PPIP5K2: variants seen among roughly 807,000 people sequenced by gnomAD.
PPIP5K2 encodes inositol hexakisphosphate and diphosphoinositol-pentakisphosphate kinase 2.
A neutral mutation model predicts 154.6 loss-of-function variants in PPIP5K2; 105 were observed. The ratio of observed to expected loss-of-function variants is 0.68; its 90% CI spans 0.58 to 0.80. The LOEUF is 0.80. Among genes scored for constraint, PPIP5K2 ranks in the 30% least tolerant of loss-of-function variants. PPIP5K2 has a pLI of 0.00. For synonymous variants in PPIP5K2, 480 were observed against 490.3 expected (o/e 0.98, Z 0.28); for missense variants, 992 against 1,504.6 (o/e 0.66, Z 5.64).
chr5:103,155,020 A>G (rs1439850240), intron 13 of PPIP5K2, 77 bp downstream of exon 13: 2 of 816,170 alleles, frequency 2.5e-6, no homozygotes, highest in Non-Finnish European at 3.6e-6. Flanking sequence ...TTTCCATTTT[A>G]ATTACTTTCA....
rs1298114889 is a variant in PPIP5K2 at position 103,205,808 on chromosome 5, C to T, written c.*4174C>T. 2.0e-5 allele frequency: 3 copies of T among 151,986 alleles called. No homozygotes were observed. Among genetic ancestry groups the T allele is most frequent in the South Asian group, 2.1e-4 (1 of 4,824 alleles). 9.4% of individuals were successfully genotyped at this position (151,986 alleles called of 1,614,324 possible). A position where few individuals can be genotyped will look rare whatever the true frequency, so the allele number is the denominator to read the frequency against. On this transcript the variant is annotated 3_prime_UTR_variant, in exon 31 of 31. Coordinates refer to ENST00000358359, the MANE Select transcript of PPIP5K2 (RefSeq NM_001276277.3). ...AAATGTCCTTTTTGTCCATTGGATA[C>T]TTTTTGTTCTATAAATTGTCAGATA...
intron 14 of PPIP5K2, among the ~76,000 whole-genome samples, chr5:103,156,201 T>G (rs1554213342): frequency 6.6e-6 from 1 of 152,192 alleles, no homozygotes; most frequent in African/African-American, 2.4e-5. Flanking sequence ...AAGGATAGAT[T>G]TTATTGTTCT....
At chr5:103,172,387 G>C (rs1012198515) in intron 19 of PPIP5K2, among the ~76,000 whole-genome samples, 3 of 150,754 alleles carry the variant, frequency 2.0e-5, no homozygotes, top group Non-Finnish European at 4.5e-5. Context: ...CTTTCTGGAG[G>C]TATCTAGTAG....
At chr5:103,140,794 G>A (rs32845) in intron 5 of PPIP5K2, among the ~76,000 whole-genome samples, 34,402 of 143,072 alleles carry the variant, frequency 0.24, 4,815 homozygotes, top group East Asian at 0.45. Context: ...CGGAGATCGC[G>A]CCACAGCACT....
At chr5:103,125,636 A>G (rs13184450) in intron 1 of PPIP5K2, among the ~76,000 whole-genome samples, 4,808 of 151,506 alleles carry the variant, frequency 0.032, 129 homozygotes, top group Admixed American at 0.078. Context: ...ATCTCCTTCT[A>G]TTTTCTTGTT....
chr5:103,180,706 C>G (rs1437116921), intron 24 of PPIP5K2, among the ~76,000 whole-genome samples: 1 of 151,630 alleles, frequency 6.6e-6, no homozygotes, highest in African/African-American at 2.4e-5. Flanking sequence ...AAAAATTAGC[C>G]AGGTATGGTG....
At chr5:103,192,241 A>G (rs1401395100) in intron 29 of PPIP5K2, among the ~76,000 whole-genome samples, 1 of 152,112 alleles carries the variant, frequency 6.6e-6, no homozygotes, top group Non-Finnish European at 1.5e-5. Flanking sequence ...AAAAATTTGC[A>G]TATAAATGTG....
At chr5:103,145,899 G>A (rs2149534087) in intron 5 of PPIP5K2, among the ~76,000 whole-genome samples, 1 of 152,124 alleles carries the variant, frequency 6.6e-6, no homozygotes, top group Non-Finnish European at 1.5e-5. Flanking sequence ...CTAACACAAA[G>A]AAATGATAAA....
intron 17 of PPIP5K2, among the ~76,000 whole-genome samples, chr5:103,160,250 A>G (rs1229331140): frequency 6.6e-6 from 1 of 152,186 alleles, no homozygotes; most frequent in Non-Finnish European, 1.5e-5. Flanking sequence ...TATCTCCTTG[A>G]TATACGATTT....
intron 1 of PPIP5K2, among the ~76,000 whole-genome samples, chr5:103,123,837 A>G (rs1368465552): frequency 2.6e-5 from 4 of 152,234 alleles, no homozygotes; most frequent in Non-Finnish European, 5.9e-5. Flanking sequence ...GACAGTTAGC[A>G]TATGTTGAAA....
intron 13 of PPIP5K2, 38 bp downstream of exon 13, chr5:103,154,981 A>G: frequency 6.7e-6 from 8 of 1,202,788 alleles, no homozygotes; most frequent in African/African-American, 3.1e-5. Context: ...GTGGTACTAC[A>G]TATAGCTCTT....
intron 5 of PPIP5K2, among the ~76,000 whole-genome samples, chr5:103,143,861 TC>T (rs782802591): frequency 3.9e-5 from 6 of 152,168 alleles, no homozygotes; most frequent in Non-Finnish European, 8.8e-5. Context: ...AAATATTTCC[TC>T]TAAGAATTGG....
At chr5:103,176,954 T>G (rs1798817146) in intron 21 of PPIP5K2, 3 of 1,382,400 alleles carry the variant, frequency 2.2e-6, no homozygotes, top group African/African-American at 2.9e-5. Context: ...TTCTGATTTT[T>G]GAATATCACT....
Position 103,159,347 on chromosome 5 carries a change from T to G in PPIP5K2, c.1920+19T>G. ...TGAAAAGGTGGGTCTTAGCAAACTCTTATATTGTGAAATATTACACACACA... is the reference window on the plus strand; with the variant it reads ...TGAAAAGGTGGGTCTTAGCAAACTCGTATATTGTGAAATATTACACACACA... On this transcript the variant is annotated intron_variant, in intron 17 of 30. Coordinates refer to ENST00000358359, the MANE Select transcript of PPIP5K2 (RefSeq NM_001276277.3). 2 of 1,565,994 alleles carry G rather than the reference T, an allele frequency of 1.3e-6. No individual in the cohort carries two copies. The highest frequency in any genetic ancestry group is 1.7e-6 in the Non-Finnish European group (2 of 1,152,480).
chr5:103,176,785 A>C (rs1798783406), intron 21 of PPIP5K2: 1 of 806,524 alleles, frequency 1.2e-6, no homozygotes, highest in South Asian at 2.2e-5. Flanking sequence ...TTTCAGATAG[A>C]ATTTTCTACT....
At chr5:103,179,773 AT>A (rs1799225129) in intron 23 of PPIP5K2, among the ~76,000 whole-genome samples, 1 of 151,870 alleles carries the variant, frequency 6.6e-6, no homozygotes, top group African/African-American at 2.4e-5. Context: ...TGGTTTTTTA[AT>A]TGTCATTTTA....
chr5:103,161,761 G>A (rs1348830589), intron 17 of PPIP5K2, among the ~76,000 whole-genome samples: 2 of 152,312 alleles, frequency 1.3e-5, no homozygotes, highest in East Asian at 3.9e-4. Flanking sequence ...CTTTTGAGAA[G>A]TGTCTGTTCA....
intron 29 of PPIP5K2, among the ~76,000 whole-genome samples, chr5:103,193,894 A>G (rs1801653426): frequency 6.6e-6 from 1 of 152,144 alleles, no homozygotes; most frequent in Non-Finnish European, 1.5e-5. Flanking sequence ...TCCATACTTA[A>G]GAATTATCCC....
intron 5 of PPIP5K2, among the ~76,000 whole-genome samples, chr5:103,140,594 A>T (rs1253149905): frequency 6.6e-6 from 1 of 152,194 alleles, no homozygotes; most frequent in African/African-American, 2.4e-5. Context: ...TCACGCCTGT[A>T]ATCCCAGCAC....
Sources: gnomAD v4.1 joint callset for allele counts (sites outside exome capture counted in the v4.1 genomes callset) on GRCh38, gnomAD v4.1.1 for gene constraint, MANE v1.5 for transcripts, NCBI Gene and HGNC (gene_info 2026-07-23, HGNC 2026-07-21) for gene names.